The following MAP1LC3B variants were observed in gnomAD, a reference collection of about 807,000 sequenced individuals.
The protein encoded by MAP1LC3B is microtubule-associated protein 1 light chain 3 beta.
Under a neutral mutation model 16.7 loss-of-function variants are expected in MAP1LC3B, and 12 were observed. That is an observed-to-expected ratio of 0.72 (90% CI 0.46 to 1.16). The LOEUF (loss-of-function observed/expected upper bound fraction) is 1.16. Ranked by LOEUF, MAP1LC3B falls within the 50% of genes most tolerant of loss-of-function variation. The pLI is 0.00. For synonymous variants in MAP1LC3B, 63 were observed against 56.5 expected, an observed-to-expected ratio of 1.11 and a Z score of -0.51; for missense variants, 155 against 159.5, an observed-to-expected ratio of 0.97 and a Z score of 0.15.
At position 87,393,390 on chromosome 16, in the gene MAP1LC3B, G is replaced by A. The variant is rs1044829962; in HGVS notation, c.40+923G>A. The A allele has an allele frequency of 3.2e-4, 49 of 152,248 alleles. 1 individual carries two copies. Among genetic ancestry groups the A allele is most frequent in the Admixed American group, 2.7e-3 (41 of 15,288 alleles). The allele number at this position is 152,248 out of a possible 1,614,324, so 9.4% of individuals were successfully genotyped here. On this transcript the variant is annotated intron_variant, in intron 1 of 3. Transcript: ENST00000268607. Reference sequence around the variant, plus strand: ...CACCGTGTTCATCGCGGTGGACTGCGAATGCCTGCCGCCATCCTCGTCAGG... The same window carrying A: ...CACCGTGTTCATCGCGGTGGACTGCAAATGCCTGCCGCCATCCTCGTCAGG...
Position 87,397,181 on chromosome 16 carries a change from A to G in MAP1LC3B, c.41-1634A>G, listed in dbSNP as rs576890667. On this transcript the variant is annotated intron_variant, in intron 1 of 3. Coordinates refer to ENST00000268607, the MANE Select transcript of MAP1LC3B (RefSeq NM_022818.5). ...TAGGAATATGCACTGGTAGAAATCCATGAGTTTGCAATCTTTGTTGCAAAG... is the reference window on the plus strand; with the variant it reads ...TAGGAATATGCACTGGTAGAAATCCGTGAGTTTGCAATCTTTGTTGCAAAG... Among the ~76,000 whole-genome samples the G allele has an allele frequency of 2.8e-4, 42 of 152,356 alleles. No homozygotes were observed. In the South Asian group the frequency reaches 3.3e-3, roughly 12 times the overall value.
intron 1 of MAP1LC3B, 68 bp downstream of exon 1, chr16:87,392,535 C>T (rs533822253): frequency 1.6e-6 from 2 of 1,218,898 alleles, no homozygotes; most frequent in East Asian, 3.4e-5. Flanking sequence ...GCGGCAGGGC[C>T]TGGGACGCCG....
Position 87,403,036 on chromosome 16 carries a change from A to G in MAP1LC3B, c.317A>G (p.Asp106Gly), listed in dbSNP as rs762678560. 7.4e-6 allele frequency: 12 copies of G among 1,614,064 alleles called. No homozygotes were observed. Among genetic ancestry groups the G allele is most frequent in the Non-Finnish European group, 8.5e-7 (1 of 1,180,024 alleles). The change falls in exon 4 of 4, where the codon GAT (aspartate) becomes GGT (glycine). Residue 106 changes from aspartate to glycine, a missense_variant. Physicochemically the swap from Asp to Gly is moderately conservative, Grantham distance 94. Transcript: ENST00000268607. ...SEVYESEKDE[D>G]GFLYMVYASQ... ...GTGTATGAGAGTGAGAAAGATGAAG[A>G]TGGATTCCTGTACATGGTCTATGCC...
At chr16:87,398,916 G>A in intron 2 of MAP1LC3B, 46 bp downstream of exon 2, 1 of 1,536,978 alleles carries the variant, frequency 6.5e-7, no homozygotes, top group Non-Finnish European at 9.0e-7. Flanking sequence ...GTACGCAGAG[G>A]AGAGCACCGC....
At chr16:87,400,411 C>T (rs1907951353) in intron 2 of MAP1LC3B, 1 of 151,826 alleles carries the variant, frequency 6.6e-6, no homozygotes, top group African/African-American at 2.4e-5. Flanking sequence ...AGTCTCCTGA[C>T]CTCATGATCT....
chr16:87,398,121 C>G (rs2150711369), intron 1 of MAP1LC3B, among the ~76,000 whole-genome samples: 1 of 151,990 alleles, frequency 6.6e-6, no homozygotes, highest in African/African-American at 2.4e-5. Flanking sequence ...GTCCCAGGTT[C>G]AAGTGATTCT....
Position 87,392,482 on chromosome 16 carries a change from G to A in MAP1LC3B, c.40+15G>A. The A allele has an allele frequency of 7.6e-7, 1 of 1,311,112 alleles. No homozygotes were observed. Among genetic ancestry groups the A allele is most frequent in the African/African-American group, 1.5e-5 (1 of 64,724 alleles). 81.2% of individuals were successfully genotyped at this position (1,311,112 alleles called of 1,614,324 possible). ...CCGCACCTTCGGTGAGTGTCGCCGC[G>A]AGGGCGGCGGGTGCGGCGGGGCCGG... On this transcript the variant is annotated intron_variant, in intron 1 of 3. Coordinates refer to ENST00000268607, the MANE Select transcript of MAP1LC3B (RefSeq NM_022818.5).
At position 87,397,543 on chromosome 16, in the gene MAP1LC3B, A is replaced by G. The variant is rs367912446; in HGVS notation, c.41-1272A>G. The stretch of plus-strand genomic sequence containing the variant: ...TGAGGCAGGAGAATGGTGTGAACCC[A>G]GGAGGCGGAGCTTGCAGTGAGCGGA... On this transcript the variant is annotated intron_variant, in intron 1 of 3. Transcript: ENST00000268607. Among the ~76,000 whole-genome samples the G allele has an allele frequency of 2.5e-3, 375 of 152,320 alleles. 2 individuals carry two copies. The highest frequency in any genetic ancestry group is 8.7e-3 in the African/African-American group (360 of 41,570).
chr16:87,395,690 C>T (rs1907773478), intron 1 of MAP1LC3B, among the ~76,000 whole-genome samples: 1 of 152,058 alleles, frequency 6.6e-6, no homozygotes, highest in African/African-American at 2.4e-5. Context: ...TTCTTTACAG[C>T]TTAAGGAAGT....
intron 1 of MAP1LC3B, among the ~76,000 whole-genome samples, chr16:87,397,739 ATTAT>A (rs1002507241): frequency 1.2e-4 from 19 of 152,056 alleles, no homozygotes; most frequent in Admixed American, 2.6e-4. Context: ...CGTGACATTG[ATTAT>A]TTATTTGCGC....
chr16:87,401,920 C>T (rs1022425816), intron 2 of MAP1LC3B, among the ~76,000 whole-genome samples: 10 of 152,040 alleles, frequency 6.6e-5, no homozygotes, highest in Non-Finnish European at 1.0e-4. Context: ...GCAAGCTCCA[C>T]CTCCCGGGTT....
At chr16:87,396,022 A>C (rs1907789025) in intron 1 of MAP1LC3B, among the ~76,000 whole-genome samples, 1 of 151,094 alleles carries the variant, frequency 6.6e-6, no homozygotes, top group East Asian at 2.0e-4. Flanking sequence ...CATCACGCCC[A>C]GCTAATTTTT....
At chr16:87,400,778 T>G (rs773142497) in intron 2 of MAP1LC3B, among the ~76,000 whole-genome samples, 4 of 151,888 alleles carry the variant, frequency 2.6e-5, no homozygotes, top group Non-Finnish European at 5.9e-5. Flanking sequence ...CCTCACCTCC[T>G]TATGCACCAG....
intron 1 of MAP1LC3B, among the ~76,000 whole-genome samples, chr16:87,395,059 T>C (rs1345212596): frequency 7.9e-5 from 12 of 151,922 alleles, no homozygotes; most frequent in Admixed American, 2.0e-4. Context: ...GGAGGGGGAG[T>C]GCTTCAGTTT....
At chr16:87,396,009 C>T (rs1209709122) in intron 1 of MAP1LC3B, among the ~76,000 whole-genome samples, 4 of 151,178 alleles carry the variant, frequency 2.6e-5, no homozygotes, top group South Asian at 2.1e-4. Context: ...TACGGGTGCC[C>T]GCCATCACGC....
chr16:87,400,372 G>C (rs147707177), intron 2 of MAP1LC3B: 1 of 151,170 alleles, frequency 6.6e-6, no homozygotes, highest in Non-Finnish European at 1.5e-5. Flanking sequence ...GTAGAGACGG[G>C]GTTTCACCAT....
rs753339792 is a variant in MAP1LC3B, at chr16:87,392,387, C to T, written c.-41C>T. The T allele has an allele frequency of 6.4e-6, 9 of 1,411,230 alleles. No individual in the cohort carries two copies. The highest frequency in any genetic ancestry group is 7.3e-6 in the Non-Finnish European group (8 of 1,090,956). 87.4% of individuals were successfully genotyped at this position (1,411,230 alleles called of 1,614,324 possible). On this transcript the variant is annotated 5_prime_UTR_variant, in exon 1 of 4. Coordinates refer to ENST00000268607, the MANE Select transcript of MAP1LC3B (RefSeq NM_022818.5). Reference sequence around the variant, plus strand: ...CGCCGCCCCCGGGAGCCGCCGGGACCCTCGCGTCGTCGCCGCCGCCGCCGC... The same window carrying T: ...CGCCGCCCCCGGGAGCCGCCGGGACTCTCGCGTCGTCGCCGCCGCCGCCGC...
At chr16:87,393,700 T>C (rs1329834862) in intron 1 of MAP1LC3B, among the ~76,000 whole-genome samples, 1 of 152,204 alleles carries the variant, frequency 6.6e-6, no homozygotes, top group Admixed American at 6.5e-5. Context: ...CTGTAGTGTC[T>C]AGGCTTATTG....
At chr16:87,399,692 A>G (rs1907918965) in intron 2 of MAP1LC3B, 1 of 423,276 alleles carries the variant, frequency 2.4e-6, no homozygotes, top group African/African-American at 2.1e-5. Flanking sequence ...GTCAGGTATT[A>G]TAACAGCTTA....
Sources: gnomAD v4.1 joint callset for allele counts (sites outside exome capture counted in the v4.1 genomes callset) on GRCh38, gnomAD v4.1.1 for gene constraint, MANE v1.5 for transcripts, NCBI Gene and HGNC (gene_info 2026-07-23, HGNC 2026-07-21) for gene names.